DLG2: variants seen among roughly 807,000 people sequenced by gnomAD.
DLG2 encodes the protein discs large MAGUK scaffold protein 2.
DLG2 carries 45 observed loss-of-function variants against 132.5 expected under a neutral mutation model. The observed-to-expected ratio is 0.34, with a 90% CI of 0.27 to 0.44. The LOEUF is 0.44. Ranked by LOEUF, DLG2 falls within the 20% of genes least tolerant of loss-of-function variation. The pLI is 1.00. For synonymous variants in DLG2, 424 were observed against 419.6 expected, an observed-to-expected ratio of 1.01 and a Z score of -0.13; for missense variants, 1,045 against 1,196.9, an observed-to-expected ratio of 0.87 and a Z score of 1.87.
rs190392730 is a variant in DLG2, at chr11:83,987,145, C to T, written c.920-6503G>A. Among the ~76,000 whole-genome samples the T allele has an allele frequency of 1.5e-3, 232 of 151,772 alleles. 1 individual carries two copies. Among genetic ancestry groups the T allele is most frequent in the African/African-American group, 5.1e-3 (213 of 41,434 alleles). On this transcript the variant is annotated intron_variant, in intron 11 of 27. Coordinates refer to ENST00000376104, the MANE Select transcript of DLG2 (RefSeq NM_001142699.3). Reference sequence around the variant, plus strand: ...CATGAAGTGCAACTTACAAGGGACACGAAGGACCTCTTCAAGGAGAACTAC... The same window carrying T: ...CATGAAGTGCAACTTACAAGGGACATGAAGGACCTCTTCAAGGAGAACTAC...
At chr11:85,134,461 G>A (rs1218111726) in intron 5 of DLG2, among the ~76,000 whole-genome samples, 1 of 143,336 alleles carries the variant, frequency 7.0e-6, no homozygotes, top group Non-Finnish European at 1.5e-5. Context: ...CCCGGGAGGC[G>A]GAGCTTGCAG....
intron 3 of DLG2, among the ~76,000 whole-genome samples, chr11:85,592,013 T>C (rs2079385237): frequency 6.6e-6 from 1 of 152,228 alleles, no homozygotes; most frequent in African/African-American, 2.4e-5. Context: ...TTACATTTTA[T>C]ATAAAACCTT....
intron 8 of DLG2, among the ~76,000 whole-genome samples, chr11:84,230,221 A>G (rs557384908): frequency 5.4e-4 from 83 of 152,340 alleles, no homozygotes; most frequent in African/African-American, 1.9e-3. Context: ...TGTTTACAAA[A>G]TAACTAAGAT....
At chr11:84,143,785 A>G (rs964332046) in intron 9 of DLG2, among the ~76,000 whole-genome samples, 1 of 152,128 alleles carries the variant, frequency 6.6e-6, no homozygotes, top group African/African-American at 2.4e-5. Flanking sequence ...TGAAGCAGGT[A>G]TTCATTGTAG....
At chr11:85,524,223 T>TA (rs1345351010) in intron 3 of DLG2, among the ~76,000 whole-genome samples, 3 of 152,124 alleles carry the variant, frequency 2.0e-5, no homozygotes, top group Non-Finnish European at 1.5e-5. Context: ...ATTGTACATT[T>TA]AAAAATAACT....
At chr11:84,441,424 C>G (rs530783188) in intron 7 of DLG2, among the ~76,000 whole-genome samples, 5 of 152,110 alleles carry the variant, frequency 3.3e-5, no homozygotes, top group African/African-American at 1.2e-4. Flanking sequence ...AAGCGATTAG[C>G]TGATTATTAA....
rs79006479 is a variant in DLG2 at position 84,266,750 on chromosome 11, T to G, written c.520-15459A>C. On this transcript the variant is annotated intron_variant, in intron 7 of 27. Coordinates refer to ENST00000376104, the MANE Select transcript of DLG2 (RefSeq NM_001142699.3). ...ACCACAGAGGCAGAGTTGGTGGATG[T>G]GATGCTGGAGCTCAGGAGACATAGT... 9.6e-3 allele frequency among the ~76,000 whole-genome samples: 1,462 copies of G among 152,330 alleles called. 21 individuals carry two copies. Among genetic ancestry groups the G allele is most frequent in the African/African-American group, 0.031 (1,273 of 41,564 alleles).
chr11:84,258,369 T>C (rs2097507061), intron 7 of DLG2, among the ~76,000 whole-genome samples: 1 of 152,202 alleles, frequency 6.6e-6, no homozygotes, highest in Non-Finnish European at 1.5e-5. Context: ...TCTATAAATA[T>C]GAAAATGAAT....
chr11:84,529,082 T>A (rs904718005), intron 7 of DLG2, among the ~76,000 whole-genome samples: 1 of 152,038 alleles, frequency 6.6e-6, no homozygotes, highest in South Asian at 2.1e-4. Flanking sequence ...CCTAGAAAAA[T>A]GGTACACATT....
chr11:85,343,675 C>T (rs749927307), intron 3 of DLG2, among the ~76,000 whole-genome samples: 4 of 152,062 alleles, frequency 2.6e-5, no homozygotes, highest in Non-Finnish European at 5.9e-5. Flanking sequence ...TACACACACA[C>T]ACACATATAC....
At chr11:84,540,875 G>C (rs1223266415) in intron 6 of DLG2, among the ~76,000 whole-genome samples, 1 of 152,170 alleles carries the variant, frequency 6.6e-6, no homozygotes, top group East Asian at 1.9e-4. Context: ...AAAAGGATGA[G>C]TTCATGTACT....
At chr11:84,847,636 C>T (rs2081642039) in intron 6 of DLG2, among the ~76,000 whole-genome samples, 1 of 152,104 alleles carries the variant, frequency 6.6e-6, no homozygotes, top group Non-Finnish European at 1.5e-5. Context: ...ACGGCTTTAG[C>T]TCAAGAAACA....
intron 6 of DLG2, among the ~76,000 whole-genome samples, chr11:84,656,244 A>G (rs1460501442): frequency 6.6e-6 from 1 of 152,138 alleles, no homozygotes; most frequent in East Asian, 1.9e-4. Flanking sequence ...TTCCATGTGT[A>G]TAACCAGTCC....
intron 6 of DLG2, among the ~76,000 whole-genome samples, chr11:84,968,803 G>T (rs1170040565): frequency 6.6e-6 from 1 of 152,064 alleles, no homozygotes; most frequent in East Asian, 1.9e-4. Context: ...CATGTTAGTG[G>T]CAGAACTGAG....
intron 18 of DLG2, among the ~76,000 whole-genome samples, chr11:83,702,150 C>CTTTCA (rs2083067900): frequency 1.3e-5 from 2 of 152,172 alleles, no homozygotes; most frequent in African/African-American, 4.8e-5. Flanking sequence ...TTCCCCTTAA[C>CTTTCA]TTTCACTTTT....
chr11:85,124,583 G>A (rs926879247), intron 5 of DLG2, among the ~76,000 whole-genome samples: 1 of 152,122 alleles, frequency 6.6e-6, no homozygotes, highest in African/African-American at 2.4e-5. Context: ...TATAATAAAT[G>A]GAAACCTCAA....
intron 17 of DLG2, among the ~76,000 whole-genome samples, chr11:83,798,096 A>T (rs1219754717): frequency 1.3e-5 from 2 of 152,186 alleles, no homozygotes; most frequent in African/African-American, 4.8e-5. Flanking sequence ...GGCAGAGCAA[A>T]TGCTCATGGC....
chr11:85,197,013 A>G (rs901654628), intron 4 of DLG2, among the ~76,000 whole-genome samples: 1 of 152,188 alleles, frequency 6.6e-6, no homozygotes, highest in Admixed American at 6.5e-5. Context: ...ACATTTATAC[A>G]AAGTCTAAAT....
chr11:85,156,098 T>C (rs2077570877), intron 4 of DLG2, among the ~76,000 whole-genome samples: 3 of 152,184 alleles, frequency 2.0e-5, no homozygotes, highest in Middle Eastern at 3.2e-3. Context: ...CCTGCACTGA[T>C]TGTGACAGGA....
Sources: gnomAD v4.1 joint callset for allele counts (sites outside exome capture counted in the v4.1 genomes callset) on GRCh38, gnomAD v4.1.1 for gene constraint, MANE v1.5 for transcripts, NCBI Gene and HGNC (gene_info 2026-07-23, HGNC 2026-07-21) for gene names.